Variants in NFATC1 observed in about 807,000 individuals in gnomAD.
The protein encoded by NFATC1 is nuclear factor of activated T cells 1, also known as nuclear factor of activated T-cells, cytoplasmic 1.
In NFATC1, 22 loss-of-function variants were observed where a neutral mutation model predicts 76.0. That is an observed-to-expected ratio of 0.29 (90% confidence interval 0.21 to 0.41). The LOEUF (loss-of-function observed/expected upper bound fraction) is 0.41. Ranked by LOEUF, NFATC1 falls within the 10% of genes least tolerant of loss-of-function variation. The probability of loss-of-function intolerance (pLI) is 1.00; values close to 1 mark genes in which losing one functional copy is unlikely to be tolerated. For missense variants in NFATC1, 1,357 were observed against 1,337.7 expected (o/e 1.01, Z -0.23); for synonymous variants, 704 against 613.1 (o/e 1.15, Z -2.19).
chr18:79,418,167 G>T (rs564064062), intron 2 of NFATC1, among the ~76,000 whole-genome samples: 31 of 152,212 alleles, frequency 2.0e-4, no homozygotes, highest in African/African-American at 7.5e-4. Context: ...GACTGTGGGG[G>T]TCGGGGGAGC....
At chr18:79,416,626 G>A (rs570570635) in intron 2 of NFATC1, among the ~76,000 whole-genome samples, 9 of 152,362 alleles carry the variant, frequency 5.9e-5, no homozygotes, top group Non-Finnish European at 1.0e-4. Context: ...AAGACGGATA[G>A]CAAAGAAGCC....
intron 9 of NFATC1, among the ~76,000 whole-genome samples, chr18:79,502,512 A>G (rs2090035440): frequency 6.6e-6 from 1 of 152,228 alleles, no homozygotes; most frequent in Non-Finnish European, 1.5e-5. Flanking sequence ...TATGCTTCAA[A>G]AGTACTATTA....
intron 2 of NFATC1, among the ~76,000 whole-genome samples, chr18:79,411,779 C>T (rs991087409): frequency 7.9e-5 from 12 of 152,216 alleles, no homozygotes; most frequent in South Asian, 2.1e-4. Context: ...CTGATGGCCT[C>T]GTGTTCGCTC....
chr18:79,481,092 C>T (rs438478), intron 8 of NFATC1, among the ~76,000 whole-genome samples: 16,211 of 152,284 alleles, frequency 0.11, 1,274 homozygotes, highest in East Asian at 0.39. Flanking sequence ...ACCCCTGCAC[C>T]TCTCAAAGGC....
At chr18:79,440,542 G>A (rs1256555627) in intron 3 of NFATC1, among the ~76,000 whole-genome samples, 1 of 152,238 alleles carries the variant, frequency 6.6e-6, no homozygotes, top group Non-Finnish European at 1.5e-5. Context: ...CAGACACCGT[G>A]GTGCCCCTGG....
rs189568231 is a variant in NFATC1, at chr18:79,466,787, A to G, written c.1960-663A>G. 3.0e-3 allele frequency among the ~76,000 whole-genome samples: 455 copies of G among 152,284 alleles called. 5 individuals are homozygous for G. The highest frequency in any genetic ancestry group is 8.7e-3 in the Admixed American group (133 of 15,288). On this transcript the variant is annotated intron_variant, in intron 7 of 9. Transcript: ENST00000427363. Reference sequence around the variant, plus strand: ...TCGGCCATCGTCAAATGTGACAAACACAGGCCCTCCCCAGAGACCGCGTCT... The same window carrying G: ...TCGGCCATCGTCAAATGTGACAAACGCAGGCCCTCCCCAGAGACCGCGTCT...
chr18:79,428,308 C>T (rs1019470406), intron 2 of NFATC1, among the ~76,000 whole-genome samples: 1 of 152,206 alleles, frequency 6.6e-6, no homozygotes, highest in African/African-American at 2.4e-5. Flanking sequence ...TGTTTTCAGT[C>T]TTGCACTGGT....
intron 7 of NFATC1, among the ~76,000 whole-genome samples, chr18:79,463,905 G>A (rs1318436210): frequency 2.6e-5 from 4 of 152,240 alleles, no homozygotes; most frequent in Middle Eastern, 6.3e-3. Context: ...GAGCAGCCAG[G>A]AGGAGCCGTG....
intron 2 of NFATC1, among the ~76,000 whole-genome samples, chr18:79,427,213 G>A (rs1432137211): frequency 1.3e-5 from 2 of 152,312 alleles, no homozygotes; most frequent in East Asian, 3.9e-4. Context: ...AAGTTTTCAA[G>A]ACCCACGTCC....
intron 1 of NFATC1, among the ~76,000 whole-genome samples, chr18:79,402,779 A>G (rs114969306): frequency 0.01 from 1,563 of 152,178 alleles, 21 homozygotes; most frequent in African/African-American, 0.035. Context: ...TTTTATTACC[A>G]TTATTACTGC....
At chr18:79,412,313 G>C (rs533502582) in intron 2 of NFATC1, among the ~76,000 whole-genome samples, 1 of 152,238 alleles carries the variant, frequency 6.6e-6, no homozygotes, top group Non-Finnish European at 1.5e-5. Context: ...GAAAACGTCC[G>C]TGCAGGAGGT....
intron 1 of NFATC1, among the ~76,000 whole-genome samples, chr18:79,403,725 C>T (rs1045678531): frequency 6.6e-6 from 1 of 152,262 alleles, no homozygotes; most frequent in African/African-American, 2.4e-5. Context: ...TAATGGTTCC[C>T]TTGTGGAAAG....
intron 1 of NFATC1, among the ~76,000 whole-genome samples, chr18:79,399,627 C>A (rs2085116378): frequency 2.6e-5 from 4 of 152,236 alleles, no homozygotes; most frequent in Admixed American, 2.6e-4. Flanking sequence ...CTCGCCTTCC[C>A]GCCCCGCTCA....
chr18:79,464,669 T>TGTGTGTGTGTGTAC lies in NFATC1; in HGVS notation c.1960-2779_1960-2778insGTGTGTGTGTACGT, dbSNP rs1224530916. On this transcript the variant is annotated intron_variant, in intron 7 of 9. Transcript: ENST00000427363. ...GTGTTTGTGTGTGTGTGTGTGTGTG[T>TGTGTGTGTGTGTAC]GTATATGTATGTGTATATATATATA... Among the ~76,000 whole-genome samples, 3 of 122,252 alleles carry TGTGTGTGTGTGTAC rather than the reference T, an allele frequency of 2.5e-5. No individual in the cohort carries two copies. In the South Asian group the frequency reaches 7.1e-4, roughly 29 times the overall value. The allele number at this position is 122,252 out of a possible 152,430, so 80.2% of individuals were successfully genotyped here.
chr18:79,419,521 C>A (rs953821022), intron 2 of NFATC1, among the ~76,000 whole-genome samples: 9 of 151,104 alleles, frequency 6.0e-5, no homozygotes, highest in African/African-American at 2.2e-4. Flanking sequence ...GGGAGCCCCC[C>A]TAGGAGGGCC....
chr18:79,400,263 G>GGGGGCGGGGGCGGGGCGGGGACGGGGGGA, intron 1 of NFATC1: 1 of 1,169,796 alleles, frequency 8.5e-7, no homozygotes. Context: ...CCCGGGGGGC[G>GGGGGCGGGGGCGGGGCGGGGACGGGGGGA]GGGGCGGGGC....
At chr18:79,502,896 C>T (rs771595380) in intron 9 of NFATC1, among the ~76,000 whole-genome samples, 10 of 152,190 alleles carry the variant, frequency 6.6e-5, no homozygotes, top group East Asian at 1.9e-4. Flanking sequence ...CATTACATTC[C>T]GGCCACTTAG....
chr18:79,452,044 GC>G (rs2087497597), intron 6 of NFATC1: 1 of 456,452 alleles, frequency 2.2e-6, no homozygotes, highest in Non-Finnish European at 3.7e-6. Flanking sequence ...TATTTCTGGG[GC>G]CGCCGGGGCC....
At chr18:79,501,980 A>T (rs878952857) in intron 9 of NFATC1, among the ~76,000 whole-genome samples, 1 of 152,080 alleles carries the variant, frequency 6.6e-6, no homozygotes, top group African/African-American at 2.4e-5. Flanking sequence ...AACTCCAGCA[A>T]TTTTTTCTTC....
Sources: gnomAD v4.1 joint callset for allele counts (sites outside exome capture counted in the v4.1 genomes callset) on GRCh38, gnomAD v4.1.1 for gene constraint, MANE v1.5 for transcripts, NCBI Gene and HGNC (gene_info 2026-07-23, HGNC 2026-07-21) for gene names.